Variants in FUT8 observed in about 807,000 individuals in gnomAD.
FUT8 encodes the protein alpha-(1,6)-fucosyltransferase.
A neutral mutation model predicts 71.3 loss-of-function variants in FUT8; 29 were observed. The ratio of observed to expected loss-of-function variants is 0.41; its 90% CI spans 0.30 to 0.55. The LOEUF (loss-of-function observed/expected upper bound fraction) is 0.55, where lower values mean the gene tolerates loss of function less well. Ranked by LOEUF, FUT8 falls within the 20% of genes least tolerant of loss-of-function variation. The pLI, the probability that FUT8 is intolerant of heterozygous loss-of-function variation, is 0.34. For missense variants in FUT8, 544 were observed against 702.1 expected (o/e 0.77, Z 2.55); for synonymous variants, 254 against 239.3 (o/e 1.06, Z -0.57).
intron 3 of FUT8, among the ~76,000 whole-genome samples, chr14:65,604,050 C>G (rs1005478702): frequency 3.3e-5 from 5 of 151,596 alleles, no homozygotes; most frequent in African/African-American, 1.2e-4. Context: ...ATATACAAGG[C>G]CTTGTAACAA....
chr14:65,489,651 A>G lies in FUT8; in HGVS notation c.-228+33933A>G, dbSNP rs1428935708. Among the ~76,000 whole-genome samples the G allele has an allele frequency of 6.6e-6, 1 of 152,142 alleles. No individual in the cohort carries two copies. Among genetic ancestry groups the G allele is most frequent in the African/African-American group, 2.4e-5 (1 of 41,448 alleles). ...CATAAAAATGAGTCTTAAAATATGT[A>G]TAGCTTCATTTGTGTTGATTGATGT... On this transcript the variant is annotated intron_variant, in intron 2 of 10. Coordinates refer to ENST00000673929, the MANE Select transcript of FUT8 (RefSeq NM_001371533.1). The surrounding 1 kb of genome is among the most constrained non-coding windows in gnomAD (Gnocchi z 4.0).
chr14:65,582,911 A>G (rs1357509285), intron 3 of FUT8, among the ~76,000 whole-genome samples: 1 of 152,232 alleles, frequency 6.6e-6, no homozygotes, highest in African/African-American at 2.4e-5. Flanking sequence ...CATCTTAGAC[A>G]TGCTGATCTA....
intron 2 of FUT8, among the ~76,000 whole-genome samples, chr14:65,510,965 T>A (rs1239095853): frequency 3.3e-5 from 5 of 152,276 alleles, no homozygotes; most frequent in African/African-American, 4.8e-5. Context: ...GTTTTCCTCT[T>A]GCTTTTTTAG....
intron 7 of FUT8, among the ~76,000 whole-genome samples, chr14:65,700,750 A>G (rs1894252540): frequency 6.6e-6 from 1 of 152,276 alleles, no homozygotes; most frequent in East Asian, 1.9e-4. Flanking sequence ...TAATGAACAC[A>G]TTCTTGAACC....
chr14:65,427,063 C>T (rs2065400335), intron 1 of FUT8, among the ~76,000 whole-genome samples: 1 of 152,026 alleles, frequency 6.6e-6, no homozygotes, highest in African/African-American at 2.4e-5. Context: ...AGGGTTTCAC[C>T]ATGTTAGCCA....
chr14:65,620,865 C>G (rs904150848), intron 5 of FUT8, among the ~76,000 whole-genome samples: 1 of 152,194 alleles, frequency 6.6e-6, no homozygotes, highest in Non-Finnish European at 1.5e-5. Flanking sequence ...GGTGCTAGAA[C>G]ATTCATCTTA....
intron 2 of FUT8, chr14:65,468,335 T>C (rs1217730464): frequency 3.4e-6 from 2 of 590,710 alleles, no homozygotes; most frequent in African/African-American, 3.7e-5. Context: ...TTTCCCTTTG[T>C]GTTCGTCCTT....
chr14:65,469,736 C>T (rs963152361), intron 2 of FUT8, among the ~76,000 whole-genome samples: 1 of 152,186 alleles, frequency 6.6e-6, no homozygotes, highest in Non-Finnish European at 1.5e-5. Context: ...CCATTGACTT[C>T]CCAGCTCTCA....
chr14:65,707,365 ATTG>A (rs1188740634), intron 7 of FUT8, among the ~76,000 whole-genome samples: 2 of 152,018 alleles, frequency 1.3e-5, no homozygotes, highest in African/African-American at 2.4e-5. Flanking sequence ...CTTTCTTGCT[ATTG>A]TTGTTTGAGT....
intron 1 of FUT8, among the ~76,000 whole-genome samples, chr14:65,441,592 C>CA (rs1027923874): frequency 8.9e-5 from 13 of 145,346 alleles, no homozygotes; most frequent in East Asian, 2.0e-4. Flanking sequence ...AACACACACA[C>CA]AAAAAAAAAA....
intron 1 of FUT8, among the ~76,000 whole-genome samples, chr14:65,429,361 G>A (rs2065434511): frequency 6.6e-6 from 1 of 152,142 alleles, no homozygotes; most frequent in African/African-American, 2.4e-5. Flanking sequence ...CACTGGAGGA[G>A]GGGAATGTAG....
the FUT8 span, among the ~76,000 whole-genome samples, chr14:65,380,773 C>A: frequency 1.3e-5 from 2 of 152,250 alleles, no homozygotes; most frequent in African/African-American, 4.8e-5. Context: ...AAATCCTTGG[C>A]AGCTACTTCT....
At chr14:65,523,602 G>T (rs922119200) in intron 2 of FUT8, among the ~76,000 whole-genome samples, 10 of 152,210 alleles carry the variant, frequency 6.6e-5, no homozygotes, top group Non-Finnish European at 1.0e-4. Flanking sequence ...GTCAATTTTG[G>T]CTTTTGTTGC....
At chr14:65,538,625 A>G (rs1466528672) in intron 2 of FUT8, among the ~76,000 whole-genome samples, 1 of 152,194 alleles carries the variant, frequency 6.6e-6, no homozygotes, top group East Asian at 1.9e-4. Context: ...ATCTTTAAAA[A>G]TTGCTGCTTC....
chr14:65,437,085 A>G (rs561759954), intron 1 of FUT8, among the ~76,000 whole-genome samples: 1 of 152,338 alleles, frequency 6.6e-6, no homozygotes, highest in African/African-American at 2.4e-5. Flanking sequence ...TTTATCAGCA[A>G]AACAGGATTG....
intron 2 of FUT8, among the ~76,000 whole-genome samples, chr14:65,539,952 C>A (rs1267874253): frequency 5.9e-5 from 9 of 152,190 alleles, no homozygotes; most frequent in Non-Finnish European, 1.0e-4. Context: ...ATTAACTTTT[C>A]TCTCCCAGAT....
chr14:65,555,068 A>G (rs1274196975), intron 2 of FUT8, among the ~76,000 whole-genome samples: 1 of 152,108 alleles, frequency 6.6e-6, no homozygotes, highest in African/African-American at 2.4e-5. Context: ...TCCACAGCCC[A>G]TTTTTGTATA....
chr14:65,441,411 G>A (rs1444707684), intron 1 of FUT8, among the ~76,000 whole-genome samples: 6 of 152,152 alleles, frequency 3.9e-5, no homozygotes, highest in African/African-American at 1.4e-4. Flanking sequence ...CGTTCACAGT[G>A]AGATTTGTTT....
At chr14:65,728,714 A>G (rs762695454) in intron 9 of FUT8, among the ~76,000 whole-genome samples, 7 of 152,208 alleles carry the variant, frequency 4.6e-5, no homozygotes, top group East Asian at 1.9e-4. Context: ...TTGTGTTACA[A>G]CTACCTTCAG....
Sources: gnomAD v4.1 joint callset for allele counts (sites outside exome capture counted in the v4.1 genomes callset) on GRCh38, gnomAD v4.1.1 for gene constraint, Gnocchi (gnomAD v3.1) non-coding constraint, MANE v1.5 for transcripts, NCBI Gene and HGNC (gene_info 2026-07-23, HGNC 2026-07-21) for gene names.